The following C1orf198 variants were observed in gnomAD, a reference collection of about 807,000 sequenced individuals.
C1orf198 encodes the protein uncharacterized protein C1orf198.
In C1orf198, 17 loss-of-function variants were observed where a neutral mutation model predicts 31.4. The ratio of observed to expected loss-of-function variants is 0.54; its 90% CI spans 0.37 to 0.81. C1orf198 has a LOEUF of 0.81. C1orf198 is among the 40% of genes least tolerant of loss of function. C1orf198 has a pLI of 0.00. For synonymous variants in C1orf198, 175 were observed against 193.8 expected, an observed-to-expected ratio of 0.90 and a Z score of 0.81; for missense variants, 401 against 450.3, an observed-to-expected ratio of 0.89 and a Z score of 0.99.
upstream of C1orf198, chr1:230,869,045 C>T (rs1670196827): frequency 6.6e-6 from 1 of 152,372 alleles, no homozygotes; most frequent in African/African-American, 2.4e-5. Context: ...GGACGAGCCA[C>T]ACCTTCTCTG....
intron 2 of C1orf198, among the ~76,000 whole-genome samples, chr1:230,855,407 A>G (rs1311861635): frequency 1.3e-5 from 2 of 152,196 alleles, no homozygotes; most frequent in African/African-American, 2.4e-5. Context: ...AGTCCTAGAC[A>G]ATGGGCATCA....
At chr1:230,855,811 G>A (rs1056633189) in intron 1 of C1orf198, 93 bp from the exon 2 acceptor site, 2 of 1,536,396 alleles carry the variant, frequency 1.3e-6, no homozygotes, top group East Asian at 2.3e-5. Context: ...CCAAAACTTA[G>A]GAATAATCCC....
chr1:230,845,200 TAAAAATTAA>T (rs574249288), intron 2 of C1orf198, among the ~76,000 whole-genome samples: 9,176 of 114,610 alleles, frequency 0.08, 977 homozygotes, highest in African/African-American at 0.28. Flanking sequence ...CCTTCTCTAC[TAAAAATTAA>T]AAAAATTAAA....
intron 2 of C1orf198, among the ~76,000 whole-genome samples, chr1:230,845,690 TAAAAG>T (rs901653110): frequency 7.7e-6 from 1 of 130,546 alleles, no homozygotes; most frequent in East Asian, 2.0e-4. Flanking sequence ...TTTCAAAAAA[TAAAAG>T]AAAAGAAAAG....
At position 230,839,673 on chromosome 1, in the gene C1orf198, T is replaced by C; in HGVS notation, c.*179A>G. On this transcript the variant is annotated 3_prime_UTR_variant, in exon 4 of 4. Transcript: ENST00000366663. ...ATCAAATCACTGAAAATAGCATATA[T>C]ATCTGGTTCTACCAAAAAAGAAAAA... 1.8e-6 allele frequency: 1 copy of C among 569,306 alleles called. No individual in the cohort carries two copies. The highest frequency in any genetic ancestry group is 3.0e-6 in the Non-Finnish European group (1 of 330,562). The allele number at this position is 569,306 out of a possible 1,614,324, so 35.3% of individuals were successfully genotyped here. A position where few individuals can be genotyped will look rare whatever the true frequency, so the allele number is the denominator to read the frequency against.
At position 230,839,626 on chromosome 1, in the gene C1orf198, T is replaced by A. The variant is rs1669392912; in HGVS notation, c.*226A>T. 4.3e-6 allele frequency: 2 copies of A among 462,178 alleles called. No individual in the cohort carries two copies. The highest frequency in any genetic ancestry group is 8.7e-5 in the East Asian group (2 of 22,964). The allele number at this position is 462,178 out of a possible 1,614,324, so 28.6% of individuals were successfully genotyped here. A position where few individuals can be genotyped will look rare whatever the true frequency, so the allele number is the denominator to read the frequency against. Reference sequence around the variant, plus strand: ...CTGAATTATTAACAGACCTTAAAAATTCCAAATGGAAAACTTCTGTTATCA... The same window carrying A: ...CTGAATTATTAACAGACCTTAAAAAATCCAAATGGAAAACTTCTGTTATCA... On this transcript the variant is annotated 3_prime_UTR_variant, in exon 4 of 4. Coordinates refer to ENST00000366663, the MANE Select transcript of C1orf198 (RefSeq NM_032800.3).
At chr1:230,844,309 G>C (rs1669529952) in intron 2 of C1orf198, among the ~76,000 whole-genome samples, 2 of 151,844 alleles carry the variant, frequency 1.3e-5, no homozygotes, top group African/African-American at 4.8e-5. Flanking sequence ...AAAGGGTGTG[G>C]CACCTCCCCC....
In C1orf198 at chr1:230,866,151, G is replaced by A. The variant is rs1053387963; in HGVS notation, c.333+2029C>T. On this transcript the variant is annotated intron_variant, in intron 1 of 3. Transcript: ENST00000366663. ...CCCTCCTCCATGAATGATCTCCTGGGGACAACAATGAGACAACTGACTCCA... is the reference window on the plus strand; with the variant it reads ...CCCTCCTCCATGAATGATCTCCTGGAGACAACAATGAGACAACTGACTCCA... 5.3e-5 allele frequency among the ~76,000 whole-genome samples: 8 copies of A among 152,274 alleles called. 1 individual carries two copies. Among genetic ancestry groups the A allele is most frequent in the African/African-American group, 1.7e-4 (7 of 41,560 alleles).
At position 230,855,576 on chromosome 1, in the gene C1orf198, G is replaced by A. The variant is rs1038450938; in HGVS notation, c.384+92C>T. ...CCTGCAGCCTGGCAGTCAGGGGGCTGTCTTCTGAGTCCATCAAATGCTGAA... is the reference window on the plus strand; with the variant it reads ...CCTGCAGCCTGGCAGTCAGGGGGCTATCTTCTGAGTCCATCAAATGCTGAA... On this transcript the variant is annotated intron_variant, in intron 2 of 3. Transcript: ENST00000366663. The A allele has an allele frequency of 5.7e-6, 8 of 1,394,882 alleles. No individual in the cohort carries two copies. In the African/African-American group the frequency reaches 1.2e-4, roughly 20 times the overall value. 86.4% of individuals were successfully genotyped at this position (1,394,882 alleles called of 1,614,324 possible).
chr1:230,855,174 A>G (rs1669843298), intron 2 of C1orf198, among the ~76,000 whole-genome samples: 1 of 152,220 alleles, frequency 6.6e-6, no homozygotes. Context: ...TGATGATGAT[A>G]ATGATGAGAA....
At chr1:230,862,641 A>G (rs1670027761) in intron 1 of C1orf198, among the ~76,000 whole-genome samples, 1 of 152,244 alleles carries the variant, frequency 6.6e-6, no homozygotes, top group South Asian at 2.1e-4. Context: ...GAATCCAACC[A>G]TATTACATTC....
chr1:230,868,626 C>G, upstream of C1orf198: 1 of 873,996 alleles, frequency 1.1e-6, no homozygotes, highest in Non-Finnish European at 1.4e-6. Context: ...CCTGCACCGC[C>G]GCGTACCCGG....
At position 230,839,028 on chromosome 1, in the gene C1orf198, T is replaced by C. The variant is rs1202549; in HGVS notation, c.*824A>G. 123,058 of 152,548 alleles carry C rather than the reference T, an allele frequency of 0.81. 50,343 individuals are homozygous for C. Among genetic ancestry groups the C allele is most frequent in the East Asian group, 0.94 (4,846 of 5,180 alleles). The allele number at this position is 152,548 out of a possible 1,614,324, so 9.4% of individuals were successfully genotyped here. On this transcript the variant is annotated 3_prime_UTR_variant, in exon 4 of 4. Coordinates refer to ENST00000366663, the MANE Select transcript of C1orf198 (RefSeq NM_032800.3). ...CATCTGCCGTCTGCCCTGACTCCTGTAGGTGCCCAGTCCGGGGAACAACCA... is the reference window on the plus strand; with the variant it reads ...CATCTGCCGTCTGCCCTGACTCCTGCAGGTGCCCAGTCCGGGGAACAACCA...
rs754942336 is a variant in C1orf198 at position 230,843,566 on chromosome 1, C to G, written c.715G>C (p.Glu239Gln). The G allele has an allele frequency of 2.9e-5, 47 of 1,613,850 alleles. No homozygotes were observed. The highest frequency in any genetic ancestry group is 3.8e-5 in the Non-Finnish European group (45 of 1,179,888). Residue 239 changes from glutamate (E) to glutamine (Q), a missense_variant, in exon 3 of 4, where the codon GAG becomes CAG. Physicochemically the swap from Glu to Gln is conservative, Grantham distance 29. Transcript: ENST00000366663. The surrounding 1 kb of genome is among the most constrained non-coding windows in gnomAD (Gnocchi z 4.9). ...YRQEPAPKDR[E>Q]AKVERPSTLR... ...GTGCTGGGCCTTTCCACCTTGGCCT[C>G]CCTGTCCTTCGGGGCAGGTTCCTGC...
chr1:230,852,933 T>C (rs1669782307), intron 2 of C1orf198, among the ~76,000 whole-genome samples: 1 of 152,184 alleles, frequency 6.6e-6, no homozygotes, highest in Admixed American at 6.5e-5. Flanking sequence ...ACTATGCAAT[T>C]GCCCAGCCTA....
intron 1 of C1orf198, among the ~76,000 whole-genome samples, chr1:230,866,751 G>A (rs1254352322): frequency 1.3e-5 from 2 of 152,148 alleles, no homozygotes; most frequent in Admixed American, 6.5e-5. Context: ...AAATCTGGGC[G>A]CAAACACTGC....
At chr1:230,867,781 G>A (rs1670154807) in intron 1 of C1orf198, among the ~76,000 whole-genome samples, 1 of 152,180 alleles carries the variant, frequency 6.6e-6, no homozygotes, top group Admixed American at 6.5e-5. Flanking sequence ...GAGGCTCTAA[G>A]AAGTTAATTG....
Position 230,858,055 on chromosome 1 carries a change from G to A in C1orf198, c.334-2337C>T, listed in dbSNP as rs144449050. ...TGTTTGGAATTTCAGTTAAACTCAA[G>A]TCACTTCCCAATGCACAAACTTCAT... On this transcript the variant is annotated intron_variant, in intron 1 of 3. Coordinates refer to ENST00000366663, the MANE Select transcript of C1orf198 (RefSeq NM_032800.3). Among the ~76,000 whole-genome samples, 4 of 152,328 alleles carry A rather than the reference G, an allele frequency of 2.6e-5. No individual in the cohort carries two copies. The East Asian group carries it at 7.7e-4, about 29-fold the overall frequency.
At chr1:230,846,122 G>A (rs1669583504) in intron 2 of C1orf198, among the ~76,000 whole-genome samples, 1 of 152,056 alleles carries the variant, frequency 6.6e-6, no homozygotes, top group African/African-American at 2.4e-5. Context: ...CCCCATTTTG[G>A]GTTAATTTCT....
Sources: gnomAD v4.1 joint callset for allele counts (sites outside exome capture counted in the v4.1 genomes callset) on GRCh38, gnomAD v4.1.1 for gene constraint, Gnocchi (gnomAD v3.1) non-coding constraint, MANE v1.5 for transcripts, NCBI Gene and HGNC (gene_info 2026-07-23, HGNC 2026-07-21) for gene names.